Variants in CDH7 observed in about 807,000 individuals in gnomAD.
CDH7 encodes cadherin 7.
CDH7 carries 25 observed loss-of-function variants against 71.8 expected under a neutral mutation model. The ratio of observed to expected loss-of-function variants is 0.35; its 90% confidence interval spans 0.25 to 0.49. The LOEUF is 0.49. Ranked by LOEUF, CDH7 falls within the 20% of genes least tolerant of loss-of-function variation. CDH7 has a pLI of 0.99. For missense variants in CDH7, 862 were observed against 974.6 expected, an observed-to-expected ratio of 0.88 and a Z score of 1.54; for synonymous variants, 381 against 363.8, an observed-to-expected ratio of 1.05 and a Z score of -0.54.
intron 2 of CDH7, among the ~76,000 whole-genome samples, chr18:65,786,999 T>C (rs1406148710): frequency 6.6e-6 from 1 of 152,114 alleles, no homozygotes; most frequent in Non-Finnish European, 1.5e-5. Context: ...ATTTCCTAAG[T>C]TTCATGCCCA....
chr18:65,857,882 C>G lies in CDH7; in HGVS notation c.1302C>G (p.Ile434Met). Residue 434 changes from isoleucine (I) to methionine (M), a missense_variant, in exon 8 of 12, where the codon ATC (isoleucine) becomes ATG (methionine). Transcript: ENST00000397968. ...YFNIDANSGV[I>M]TTAKSLDRET... ...ATATTGATGCCAACAGTGGGGTCATCACAACTGCCAAGTCTTTGGATCGAG... is the reference window on the plus strand; with the variant it reads ...ATATTGATGCCAACAGTGGGGTCATGACAACTGCCAAGTCTTTGGATCGAG... The G allele has an allele frequency of 6.2e-7, 1 of 1,613,520 alleles. No homozygotes were observed. The highest frequency in any genetic ancestry group is 8.5e-7 in the Non-Finnish European group (1 of 1,179,548).
chr18:65,861,797 G>C (rs780719151), intron 10 of CDH7, among the ~76,000 whole-genome samples: 1 of 152,020 alleles, frequency 6.6e-6, no homozygotes, highest in Non-Finnish European at 1.5e-5. Flanking sequence ...TTGGAAGAGA[G>C]AAAAATAGAT....
In CDH7 at chr18:65,824,776, T is replaced by C; in HGVS notation, c.926T>C (p.Ile309Thr). 1 of 1,612,388 alleles carries C rather than the reference T, an allele frequency of 6.2e-7. No homozygotes were observed. The highest frequency in any genetic ancestry group is 2.2e-5 in the East Asian group (1 of 44,824). The change falls in exon 6 of 12, where the codon ATT (isoleucine) becomes ACT (threonine). Residue 309 changes from isoleucine to threonine, a missense_variant. Ile to Thr is a moderately conservative substitution (Grantham distance 89). Coordinates refer to ENST00000397968, the MANE Select transcript of CDH7 (RefSeq NM_004361.5). ...ATTGTGGATGGTGATGGTTTGGGCA[T>C]TTTTAAGATTTCTGTTGACAAAGAA... ...YKIVDGDGLGIFKISVDKETQ... is the reference protein window; with the variant it reads ...YKIVDGDGLGTFKISVDKETQ...
At chr18:65,864,791 T>C (rs1196930497) in intron 11 of CDH7, among the ~76,000 whole-genome samples, 19 of 148,128 alleles carry the variant, frequency 1.3e-4, no homozygotes, top group Non-Finnish European at 1.5e-4. Context: ...CTTGGGAGGC[T>C]GAGGCAGGAG....
intron 1 of CDH7, among the ~76,000 whole-genome samples, chr18:65,762,021 A>G (rs1241824580): frequency 6.6e-6 from 1 of 152,236 alleles, no homozygotes; most frequent in Non-Finnish European, 1.5e-5. Flanking sequence ...TACACAGCAT[A>G]CATGACAATA....
chr18:65,753,698 T>A (rs1187341125), intron 1 of CDH7, among the ~76,000 whole-genome samples: 4 of 152,100 alleles, frequency 2.6e-5, no homozygotes, highest in Non-Finnish European at 4.4e-5. Flanking sequence ...CTCCCCAGCG[T>A]CTGACAAGCA....
At position 65,847,898 on chromosome 18, in the gene CDH7, C is replaced by T. The variant is rs568997338; in HGVS notation, c.1235+3833C>T. 7.2e-5 allele frequency among the ~76,000 whole-genome samples: 11 copies of T among 151,794 alleles called. No individual in the cohort carries two copies. In the South Asian group the frequency reaches 2.1e-3, roughly 29 times the overall value. The stretch of plus-strand genomic sequence containing the variant: ...AGTGGTATGTGGAAATAAAACCATA[C>T]GTAAACTAAAATTGCAGTCAAAGCC... On this transcript the variant is annotated intron_variant, in intron 7 of 11. Transcript: ENST00000397968.
intron 6 of CDH7, among the ~76,000 whole-genome samples, chr18:65,830,147 C>G (rs959986614): frequency 6.6e-6 from 1 of 152,044 alleles, no homozygotes; most frequent in Non-Finnish European, 1.5e-5. Context: ...CAGAAAGAAC[C>G]GGGGCAATTT....
At chr18:65,760,259 A>G (rs1198763606) in intron 1 of CDH7, among the ~76,000 whole-genome samples, 1 of 152,180 alleles carries the variant, frequency 6.6e-6, no homozygotes, top group Non-Finnish European at 1.5e-5. Context: ...TGTTTTATAG[A>G]TGAGAGACTT....
intron 2 of CDH7, among the ~76,000 whole-genome samples, chr18:65,799,846 CCT>C (rs150389613): frequency 6.6e-6 from 1 of 151,840 alleles, no homozygotes; most frequent in African/African-American, 2.4e-5. Context: ...AATTGTTTGC[CCT>C]CTCTCTCTCA....
rs762797509 is a variant in CDH7, at chr18:65,809,715, T to C, written c.222T>C (p.Asp74=). 1 of 1,612,802 alleles carries C rather than the reference T, an allele frequency of 6.2e-7. No homozygotes were observed. The highest frequency in any genetic ancestry group is 1.1e-5 in the South Asian group (1 of 91,052). ...GAATTTTTCACCAGCTTCACTCTGATGTTGATAAAGGAGATGGTTCCATCA... is the reference window on the plus strand; with the variant it reads ...GAATTTTTCACCAGCTTCACTCTGACGTTGATAAAGGAGATGGTTCCATCA... ...DPLYVGKLHS[D]VDKGDGSIKY... is the part of the protein sequence containing the mutation. Residue 74 remains aspartate (D), a synonymous_variant, in exon 3 of 12, where the codon GAT becomes GAC. Coordinates refer to ENST00000397968, the MANE Select transcript of CDH7 (RefSeq NM_004361.5).
intron 10 of CDH7, among the ~76,000 whole-genome samples, chr18:65,860,284 G>T (rs1913517166): frequency 6.6e-6 from 1 of 152,034 alleles, no homozygotes; most frequent in Non-Finnish European, 1.5e-5. Flanking sequence ...AAATGCAAAT[G>T]TAATTCATGC....
intron 2 of CDH7, among the ~76,000 whole-genome samples, chr18:65,763,890 C>T (rs1013927561): frequency 1.3e-5 from 2 of 151,984 alleles, no homozygotes; most frequent in African/African-American, 4.8e-5. Flanking sequence ...ATCATGTTCT[C>T]GGTTCCTAGT....
At chr18:65,756,910 T>C (rs1237408433) in intron 1 of CDH7, among the ~76,000 whole-genome samples, 1 of 152,216 alleles carries the variant, frequency 6.6e-6, no homozygotes, top group East Asian at 1.9e-4. Context: ...ACTACTCTTG[T>C]GGTGATATGT....
chr18:65,799,544 C>A (rs1312356339), intron 2 of CDH7, among the ~76,000 whole-genome samples: 1 of 151,940 alleles, frequency 6.6e-6, no homozygotes, highest in Admixed American at 6.6e-5. Flanking sequence ...GGCATGGTGG[C>A]GGGTGCCTGT....
At chr18:65,788,871 A>G (rs114040278) in intron 2 of CDH7, among the ~76,000 whole-genome samples, 5,217 of 152,310 alleles carry the variant, frequency 0.034, 295 homozygotes, top group African/African-American at 0.12. Flanking sequence ...TATAGCTAAC[A>G]CAGTTTGCCT....
At chr18:65,765,491 ATGTCTG>A (rs1916330142) in intron 2 of CDH7, among the ~76,000 whole-genome samples, 1 of 149,040 alleles carries the variant, frequency 6.7e-6, no homozygotes, top group African/African-American at 2.5e-5. Flanking sequence ...TTGGGAGGTG[ATGTCTG>A]TGCCCAGAAA....
intron 2 of CDH7, among the ~76,000 whole-genome samples, chr18:65,782,179 T>TTTCC (rs1568182813): frequency 2.2e-5 from 3 of 137,188 alleles, no homozygotes; most frequent in African/African-American, 9.4e-5. Context: ...TCTTTCTTTC[T>TTTCC]TTCTTTCTTG....
rs904034012 is a variant in CDH7 at position 65,814,616 on chromosome 18, A to G, written c.625+12A>G. ...GGAGCCAAAGACAGGTAAAAATTGA[A>G]ATGTGACATTCTTGTAAAGTCATCA... On this transcript the variant is annotated intron_variant, in intron 4 of 11. Transcript: ENST00000397968. 2 of 1,601,838 alleles carry G rather than the reference A, an allele frequency of 1.2e-6. No homozygotes were observed. The highest frequency in any genetic ancestry group is 1.7e-6 in the Non-Finnish European group (2 of 1,175,264).
Sources: gnomAD v4.1 joint callset for allele counts (sites outside exome capture counted in the v4.1 genomes callset) on GRCh38, gnomAD v4.1.1 for gene constraint, MANE v1.5 for transcripts, NCBI Gene and HGNC (gene_info 2026-07-23, HGNC 2026-07-21) for gene names.